The following MPP3 variants were observed in gnomAD, a reference collection of about 807,000 sequenced individuals.
MPP3 encodes MAGUK p55 subfamily member 3.
A neutral mutation model predicts 80.7 loss-of-function variants in MPP3; 48 were observed. The ratio of observed to expected loss-of-function variants is 0.59; its 90% CI spans 0.47 to 0.76. The LOEUF (loss-of-function observed/expected upper bound fraction) is 0.76. Ranked by LOEUF, MPP3 falls within the 30% of genes least tolerant of loss-of-function variation. The pLI, the probability that MPP3 is intolerant of heterozygous loss-of-function variation, is 0.00. For missense variants in MPP3, 620 were observed against 763.0 expected, an observed-to-expected ratio of 0.81 and a Z score of 2.21; for synonymous variants, 311 against 297.6, an observed-to-expected ratio of 1.04 and a Z score of -0.46.
intron 11 of MPP3, chr17:43,818,903 T>C: frequency 7.0e-6 from 1 of 142,164 alleles, no homozygotes. Flanking sequence ...ACCACTACAC[T>C]CCAGCCTGGG....
chr17:43,807,880 A>G (rs2044685806), intron 19 of MPP3, among the ~76,000 whole-genome samples: 1 of 151,962 alleles, frequency 6.6e-6, no homozygotes, highest in Admixed American at 6.6e-5. Flanking sequence ...AGACTGCTTG[A>G]GCCCAGGAGT....
At chr17:43,802,669 T>C (rs1212469349) in intron 19 of MPP3, among the ~76,000 whole-genome samples, 2 of 152,218 alleles carry the variant, frequency 1.3e-5, no homozygotes, top group South Asian at 2.1e-4. Flanking sequence ...TAGCCTGGTT[T>C]TGGAAAACAG....
At chr17:43,802,949 A>G (rs1352638933) in intron 19 of MPP3, among the ~76,000 whole-genome samples, 1 of 152,216 alleles carries the variant, frequency 6.6e-6, no homozygotes, top group Non-Finnish European at 1.5e-5. Flanking sequence ...CTCAAGATCC[A>G]GGAAAAGGGT....
chr17:43,820,901 A>C lies in MPP3; in HGVS notation c.842T>G (p.Leu281Arg). The change falls in exon 11 of 20, where the codon CTT becomes CGT. Residue 281 changes from leucine to arginine, a missense_variant. Leu to Arg is a moderately radical substitution (Grantham distance 102). Transcript: ENST00000398389. ...CTTGGAGGGGATGAGGCCGGCTCGA[A>C]GGTTGGTGTCCCCGACTCGCTTGGC... Reference protein sequence around the residue: ...WQAKRVGDTNLRAGLIPSKGF... With the variant: ...WQAKRVGDTNRRAGLIPSKGF... 2 of 1,614,116 alleles carry C rather than the reference A, an allele frequency of 1.2e-6. No homozygotes were observed. Among genetic ancestry groups the C allele is most frequent in the Non-Finnish European group, 1.7e-6 (2 of 1,180,018 alleles).
At chr17:43,823,794 G>A in intron 10 of MPP3, 137 bp downstream of exon 10, 3 of 626,388 alleles carry the variant, frequency 4.8e-6, no homozygotes, top group South Asian at 4.1e-5. Context: ...GTCCTCCACT[G>A]GGCACAGATT....
chr17:43,821,028 G>A lies in MPP3; in HGVS notation c.715C>T (p.Pro239Ser). 6.2e-7 allele frequency: 1 copy of A among 1,614,004 alleles called. No homozygotes were observed. Among genetic ancestry groups the A allele is most frequent in the Non-Finnish European group, 8.5e-7 (1 of 1,179,930 alleles). The change falls in exon 11 of 20, where the codon CCT becomes TCT. Residue 239 changes from proline to serine, a missense_variant. Physicochemically the swap from Pro to Ser is moderately conservative, Grantham distance 74 (BLOSUM62 -1). Coordinates refer to ENST00000398389, the MANE Select transcript of MPP3 (RefSeq NM_001932.6). ...VFMRALFHYN[P>S]REDRAIPCQE... Reference sequence around the variant, plus strand: ...CAAGGGATGGCCCGGTCCTCCCGAGGGTTGTAGTGGAAGAGGGCGCGCATG... The same window carrying A: ...CAAGGGATGGCCCGGTCCTCCCGAGAGTTGTAGTGGAAGAGGGCGCGCATG...
At chr17:43,831,354 G>A in intron 4 of MPP3, 33 bp from the exon 5 acceptor site, 1 of 1,600,044 alleles carries the variant, frequency 6.2e-7, no homozygotes, top group Non-Finnish European at 8.6e-7. Context: ...ATGCACCCTG[G>A]ACACCACACA....
At position 43,814,053 on chromosome 17, in the gene MPP3, C is replaced by A. The variant is rs745410456; in HGVS notation, c.1213G>T (p.Val405Leu). The A allele has an allele frequency of 2.5e-6, 4 of 1,613,566 alleles. No homozygotes were observed. The highest frequency in any genetic ancestry group is 3.4e-6 in the Non-Finnish European group (4 of 1,179,654). The change falls in exon 16 of 20, where the codon GTG becomes TTG. Residue 405 changes from valine (V) to leucine (L), a missense_variant. By Grantham distance (32) the Val-to-Leu change is conservative. Transcript: ENST00000398389. ...GARLHELKQKVVAENPQHFGV... is the reference protein window; with the variant it reads ...GARLHELKQKLVAENPQHFGV... The stretch of plus-strand genomic sequence containing the variant: ...AAGTGCTGTGGGTTCTCAGCCACCA[C>A]CTTTTGCTTCAGCTCGTGCAGTCGG...
At chr17:43,808,813 A>G (rs2044725606) in intron 19 of MPP3, 143 bp downstream of exon 19, 3 of 985,840 alleles carry the variant, frequency 3.0e-6, no homozygotes, top group East Asian at 2.9e-5. Context: ...AAGTTTTTCA[A>G]TAGGCAAAAT....
chr17:43,816,006 C>T (rs376034186), intron 14 of MPP3, 32 bp downstream of exon 14: 3 of 1,473,640 alleles, frequency 2.0e-6, no homozygotes, highest in African/African-American at 1.5e-5. Context: ...TGGGGCAGGT[C>T]GTGCATGTGG....
intron 12 of MPP3, 89 bp downstream of exon 12, chr17:43,817,957 A>C (rs1943114529): frequency 1.0e-6 from 1 of 992,964 alleles, no homozygotes; most frequent in Non-Finnish European, 1.4e-6. Context: ...TGCCCCCTCC[A>C]GCCCACTGCC....
chr17:43,829,927 C>T, intron 6 of MPP3, 100 bp downstream of exon 6: 3 of 1,524,918 alleles, frequency 2.0e-6, no homozygotes, highest in Non-Finnish European at 2.7e-6. Context: ...CTGAGGATCG[C>T]TCCCTCAGTC....
At chr17:43,815,708 C>A (rs1031934041) in intron 14 of MPP3, 4 of 516,024 alleles carry the variant, frequency 7.8e-6, no homozygotes, top group South Asian at 3.6e-5. Flanking sequence ...GCCGCAAACA[C>A]CCCTCACTGC....
chr17:43,813,359 G>A (rs1001601610), intron 16 of MPP3, among the ~76,000 whole-genome samples: 3 of 152,122 alleles, frequency 2.0e-5, no homozygotes, highest in African/African-American at 7.2e-5. Flanking sequence ...GGGGTACTGG[G>A]AGGGCTGACG....
chr17:43,806,737 T>C (rs1230014470), intron 19 of MPP3, among the ~76,000 whole-genome samples: 3 of 151,456 alleles, frequency 2.0e-5, no homozygotes, highest in Non-Finnish European at 4.4e-5. Context: ...GCCTCCCAAA[T>C]AGCTGGGATT....
intron 10 of MPP3, among the ~76,000 whole-genome samples, chr17:43,821,644 T>C (rs2045468494): frequency 6.6e-6 from 1 of 152,168 alleles, no homozygotes; most frequent in African/African-American, 2.4e-5. Flanking sequence ...CCCCCTCTGC[T>C]CTAGAGTCAC....
chr17:43,829,823 G>T (rs752696166), intron 6 of MPP3, 32 bp from the exon 7 acceptor site: 1 of 1,580,944 alleles, frequency 6.3e-7, no homozygotes, highest in Admixed American at 1.8e-5. Context: ...AGGAAGGCTG[G>T]CCCGCCGCTC....
At chr17:43,802,101 T>C (rs529766590) in intron 19 of MPP3, among the ~76,000 whole-genome samples, 1 of 152,280 alleles carries the variant, frequency 6.6e-6, no homozygotes, top group Non-Finnish European at 1.5e-5. Flanking sequence ...TGTTCAGTCA[T>C]TCACTCACAG....
intron 11 of MPP3, among the ~76,000 whole-genome samples, chr17:43,819,935 G>GT (rs1004913188): frequency 4.6e-5 from 7 of 151,796 alleles, no homozygotes; most frequent in African/African-American, 1.2e-4. Flanking sequence ...GTTTTTTTCT[G>GT]TTTTTTTGTT....
Sources: gnomAD v4.1 joint callset for allele counts (sites outside exome capture counted in the v4.1 genomes callset) on GRCh38, gnomAD v4.1.1 for gene constraint, MANE v1.5 for transcripts, NCBI Gene and HGNC (gene_info 2026-07-23, HGNC 2026-07-21) for gene names.